Variants in EP300 observed in about 807,000 individuals in gnomAD.
The protein encoded by EP300 is histone acetyltransferase p300.
A neutral mutation model predicts 264.0 loss-of-function variants in EP300; 31 were observed. The ratio of observed to expected loss-of-function variants is 0.12; its 90% CI spans 0.09 to 0.16. The LOEUF (loss-of-function observed/expected upper bound fraction) is 0.16. EP300 is among the 10% of genes least tolerant of loss of function. The pLI, the probability that EP300 is intolerant of heterozygous loss-of-function variation, is 1.00. For missense variants in EP300, 2,766 were observed against 3,052.9 expected (o/e 0.91, Z 2.21); for synonymous variants, 1,340 against 1,045.4 (o/e 1.28, Z -5.44).
intron 2 of EP300, among the ~76,000 whole-genome samples, chr22:41,125,214 G>A (rs2058874549): frequency 6.7e-6 from 1 of 149,560 alleles, no homozygotes; most frequent in South Asian, 2.1e-4. Flanking sequence ...CGCCTCCCGG[G>A]TTCACTCCAT....
chr22:41,146,465 C>G (rs1030217135), intron 10 of EP300: 14 of 433,754 alleles, frequency 3.2e-5, no homozygotes, highest in African/African-American at 2.6e-4. Context: ...CTGTGCCTGG[C>G]CTATAATGGC....
At chr22:41,160,322 T>G in intron 19 of EP300, 1 of 370,412 alleles carries the variant, frequency 2.7e-6, no homozygotes, top group Non-Finnish European at 5.1e-6. Flanking sequence ...GTCTTGCTTT[T>G]ATGTTTTTTG....
chr22:41,094,987 T>A (rs1383221102), intron 1 of EP300, among the ~76,000 whole-genome samples: 1 of 151,448 alleles, frequency 6.6e-6, no homozygotes, highest in Non-Finnish European at 1.5e-5. Context: ...TTTTATAGTT[T>A]AAAAAAAAAC....
At chr22:41,169,247 G>C in intron 25 of EP300, 1 of 568,062 alleles carries the variant, frequency 1.8e-6, no homozygotes, top group Non-Finnish European at 3.1e-6. Context: ...AAAACGTATA[G>C]GGATCACCAA....
chr22:41,178,402 A>T lies in EP300; in HGVS notation c.6691A>T (p.Met2231Leu), dbSNP rs780235974. 1 of 1,613,988 alleles carries T rather than the reference A, an allele frequency of 6.2e-7. No homozygotes were observed. Among genetic ancestry groups the T allele is most frequent in the East Asian group, 2.2e-5 (1 of 44,876 alleles). ...PQQQQRMQHH[M>L]QQMQQGNMGQ... ...GCAGCAGCAGCGGATGCAGCATCAC[A>T]TGCAACAGATGCAACAAGGAAATAT... Residue 2231 changes from methionine (M) to leucine (L), a missense_variant, in exon 31 of 31, where the codon ATG becomes TTG. Transcript: ENST00000263253.
chr22:41,121,458 A>G (rs8135084), intron 2 of EP300, among the ~76,000 whole-genome samples: 2,705 of 152,286 alleles, frequency 0.018, 73 homozygotes, highest in African/African-American at 0.062. Context: ...TTTATTTTCT[A>G]ATTCCTCAGC....
At chr22:41,160,525 CT>C in intron 19 of EP300, 116 bp from the exon 20 acceptor site, 1 of 846,640 alleles carries the variant, frequency 1.2e-6, no homozygotes, top group Non-Finnish European at 2.0e-6. Flanking sequence ...CGTTGATGAC[CT>C]GCTCTCTGCT....
At chr22:41,100,047 C>T (rs1261205606) in intron 1 of EP300, among the ~76,000 whole-genome samples, 2 of 152,112 alleles carry the variant, frequency 1.3e-5, no homozygotes, top group East Asian at 1.9e-4. Context: ...TGGGACCCCC[C>T]ATCCCCCCAC....
intron 10 of EP300, among the ~76,000 whole-genome samples, chr22:41,141,678 T>C (rs996072734): frequency 4.0e-5 from 6 of 150,636 alleles, no homozygotes; most frequent in Non-Finnish European, 7.4e-5. Flanking sequence ...TTTTTTTTTT[T>C]CTTTTTCTTT....
At chr22:41,161,307 C>T (rs1388178160) in intron 20 of EP300, among the ~76,000 whole-genome samples, 3 of 152,162 alleles carry the variant, frequency 2.0e-5, no homozygotes, top group Non-Finnish European at 4.4e-5. Flanking sequence ...AAAAAAATTT[C>T]AAACATATAG....
At chr22:41,093,837 A>G (rs1354702745) in intron 1 of EP300, among the ~76,000 whole-genome samples, 1 of 152,234 alleles carries the variant, frequency 6.6e-6, no homozygotes, top group Non-Finnish European at 1.5e-5. Flanking sequence ...TAGGGGAAAT[A>G]AGATAAACAA....
chr22:41,099,455 C>T (rs1298024727), intron 1 of EP300, among the ~76,000 whole-genome samples: 1 of 152,194 alleles, frequency 6.6e-6, no homozygotes, highest in Non-Finnish European at 1.5e-5. Flanking sequence ...AGTCAGAACA[C>T]GTTTCTGTCC....
At position 41,129,881 on chromosome 22, in the gene EP300, T is replaced by C. The variant is rs1205011195; in HGVS notation, c.1169-9T>C. 6.2e-7 allele frequency: 1 copy of C among 1,608,960 alleles called. No individual in the cohort carries two copies. The highest frequency in any genetic ancestry group is 1.7e-5 in the Admixed American group (1 of 60,012). ...CTGCTCTTGAAAAAATATGTTTTCTTCTCTTTAGTGGCACACTGTGCATCT... is the reference window on the plus strand; with the variant it reads ...CTGCTCTTGAAAAAATATGTTTTCTCCTCTTTAGTGGCACACTGTGCATCT... On this transcript the variant is annotated splice_polypyrimidine_tract_variant and intron_variant, in intron 4 of 30. Transcript: ENST00000263253.
chr22:41,131,814 G>A (rs2058921461), intron 6 of EP300, among the ~76,000 whole-genome samples, 181 bp downstream of exon 6: 1 of 152,114 alleles, frequency 6.6e-6, no homozygotes, highest in Non-Finnish European at 1.5e-5. Flanking sequence ...CCACTGGTTT[G>A]TATCTTCCTT....
At chr22:41,147,557 G>A (rs1418113478) in intron 11 of EP300, among the ~76,000 whole-genome samples, 1 of 151,980 alleles carries the variant, frequency 6.6e-6, no homozygotes, top group Non-Finnish European at 1.5e-5. Context: ...CTAACACAGT[G>A]AAACCCCCGT....
At position 41,177,998 on chromosome 22, in the gene EP300, A is replaced by C; in HGVS notation, c.6287A>C (p.Asn2096Thr). ...KQRAAKYANS[N>T]PQPIPGQPGM... Reference sequence around the variant, plus strand: ...CGGGCTGCCAAGTATGCCAACTCTAATCCACAACCCATCCCTGGGCAGCCT... The same window carrying C: ...CGGGCTGCCAAGTATGCCAACTCTACTCCACAACCCATCCCTGGGCAGCCT... The change falls in exon 31 of 31, where the codon AAT becomes ACT. Residue 2096 changes from asparagine (N) to threonine (T), a missense_variant. Asn to Thr is a moderately conservative substitution (Grantham distance 65). Transcript: ENST00000263253. 6.2e-7 allele frequency: 1 copy of C among 1,614,132 alleles called. No homozygotes were observed. The highest frequency in any genetic ancestry group is 1.1e-5 in the South Asian group (1 of 91,080).
intron 5 of EP300, among the ~76,000 whole-genome samples, chr22:41,131,115 A>T (rs1432006291): frequency 1.3e-5 from 2 of 152,178 alleles, no homozygotes; most frequent in Non-Finnish European, 2.9e-5. Flanking sequence ...ATGGCTCCAA[A>T]GCATTCATAC....
In EP300 at chr22:41,127,569, C is replaced by T. The variant is rs2145710190; in HGVS notation, c.989C>T (p.Ala330Val). Reference protein sequence around the residue: ...AQGMGSGAHTADPEKRKLIQQ... With the variant: ...AQGMGSGAHTVDPEKRKLIQQ... ...GGGATGGGTTCTGGAGCACATACAGCTGATCCAGAGAAGCGCAAGCTCATC... is the reference window on the plus strand; with the variant it reads ...GGGATGGGTTCTGGAGCACATACAGTTGATCCAGAGAAGCGCAAGCTCATC... Residue 330 changes from alanine (A) to valine (V), a missense_variant, in exon 4 of 31, where the codon GCT becomes GTT. Ala to Val is a moderately conservative substitution (Grantham distance 64). Coordinates refer to ENST00000263253, the MANE Select transcript of EP300 (RefSeq NM_001429.4). The T allele has an allele frequency of 6.2e-7, 1 of 1,614,248 alleles. No individual in the cohort carries two copies. Among genetic ancestry groups the T allele is most frequent in the Non-Finnish European group, 8.5e-7 (1 of 1,180,042 alleles).
chr22:41,104,469 T>C (rs2058747600), intron 1 of EP300, among the ~76,000 whole-genome samples: 1 of 152,034 alleles, frequency 6.6e-6, no homozygotes, highest in African/African-American at 2.4e-5. Flanking sequence ...TTTGTATTTT[T>C]AGTAGACACA....
Sources: gnomAD v4.1 joint callset for allele counts (sites outside exome capture counted in the v4.1 genomes callset) on GRCh38, gnomAD v4.1.1 for gene constraint, MANE v1.5 for transcripts, NCBI Gene and HGNC (gene_info 2026-07-23, HGNC 2026-07-21) for gene names.